Variants in HERC1 observed in about 807,000 individuals in gnomAD.
HERC1 encodes the protein probable E3 ubiquitin-protein ligase HERC1.
A neutral mutation model predicts 554.3 loss-of-function variants in HERC1; 160 were observed. The ratio of observed to expected loss-of-function variants is 0.29; its 90% CI spans 0.25 to 0.33. HERC1 has a LOEUF of 0.33. Ranked by LOEUF, HERC1 falls within the 10% of genes least tolerant of loss-of-function variation. HERC1 has a pLI of 1.00. For synonymous variants in HERC1, 2,175 were observed against 2,131.7 expected (o/e 1.02, Z -0.56); for missense variants, 4,919 against 5,918.5 (o/e 0.83, Z 5.54).
At chr15:63,779,266 T>C (rs6494431) in intron 1 of HERC1, among the ~76,000 whole-genome samples, 40,777 of 151,948 alleles carry the variant, frequency 0.27, 5,927 homozygotes, top group Middle Eastern at 0.38. Context: ...TACAAGGTAC[T>C]TGAGAAAATT....
intron 1 of HERC1, among the ~76,000 whole-genome samples, chr15:63,800,255 A>C (rs2076937768): frequency 1.3e-5 from 2 of 152,206 alleles, no homozygotes; most frequent in Non-Finnish European, 2.9e-5. Flanking sequence ...GAAGAGTTTA[A>C]AATTTTTCTG....
At chr15:63,755,553 C>A (rs1005633223) in intron 5 of HERC1, among the ~76,000 whole-genome samples, 1 of 152,148 alleles carries the variant, frequency 6.6e-6, no homozygotes, top group Non-Finnish European at 1.5e-5. Flanking sequence ...CCAAGGCAGG[C>A]AGATTGTTTG....
In HERC1 at chr15:63,756,689, G is replaced by A. The variant is rs548577788; in HGVS notation, c.1281C>T (p.Cys427=). ...VISTDGSVRA[C]GKGSYGRLGL... is the part of the protein sequence containing the mutation. ...CCAGTCTCCCATAGCTGCCTTTCCC[G>A]CAAGCTCTAACAGAGCCATCCGTAG... Residue 427 remains cysteine (C), a synonymous_variant, in exon 5 of 78, where the codon TGC becomes TGT. Transcript: ENST00000443617. The surrounding 1 kb of genome is among the most constrained non-coding windows in gnomAD (Gnocchi z 5.0). The A allele has an allele frequency of 1.6e-5, 25 of 1,612,172 alleles. No homozygotes were observed. The African/African-American group carries it at 1.6e-4, about 10-fold the overall frequency.
chr15:63,679,340 A>G (rs893534652), intron 36 of HERC1, among the ~76,000 whole-genome samples: 5 of 152,228 alleles, frequency 3.3e-5, no homozygotes, highest in African/African-American at 1.2e-4. Context: ...GACATTAAAA[A>G]TATGTATTTT....
In HERC1 at chr15:63,816,030, C is replaced by A. The variant is rs143908646; in HGVS notation, c.-27+17797G>T. Among the ~76,000 whole-genome samples the A allele has an allele frequency of 3.7e-3, 561 of 152,220 alleles. 3 individuals are homozygous for A. Among genetic ancestry groups the A allele is most frequent in the Middle Eastern group, 0.014 (4 of 294 alleles). Reference sequence around the variant, plus strand: ...TTACCTCCCACCGGGTCCCTCCCCCCACACGTAGGGATTATGGGAACTAAA... The same window carrying A: ...TTACCTCCCACCGGGTCCCTCCCCCAACACGTAGGGATTATGGGAACTAAA... On this transcript the variant is annotated intron_variant, in intron 1 of 77. Transcript: ENST00000443617.
Position 63,616,562 on chromosome 15 carries a change from C to A in HERC1, c.13809G>T (p.Leu4603=), listed in dbSNP as rs753469341. The A allele has an allele frequency of 6.2e-7, 1 of 1,613,982 alleles. No homozygotes were observed. The highest frequency in any genetic ancestry group is 1.1e-5 in the South Asian group (1 of 91,084). Residue 4603 remains leucine, a synonymous_variant, in exon 75 of 78, where the codon CTG becomes CTT. Transcript: ENST00000443617. ...GGACACAGCACAGCTGCTTCCACAC[C>A]AGAGGGGCCAAGTGGAGGTCCAGAG... ...KKPLDLHLAP[L]VWKQLCCVPL... is the part of the protein sequence containing the mutation.
At chr15:63,725,765 A>G (rs1186358178) in intron 17 of HERC1, among the ~76,000 whole-genome samples, 1 of 152,232 alleles carries the variant, frequency 6.6e-6, no homozygotes, top group Non-Finnish European at 1.5e-5. Flanking sequence ...TTAAAACAAC[A>G]TATGACAACA....
At chr15:63,719,841 A>G (rs1309103275) in intron 19 of HERC1, among the ~76,000 whole-genome samples, 1 of 152,202 alleles carries the variant, frequency 6.6e-6, no homozygotes, top group Non-Finnish European at 1.5e-5. Flanking sequence ...GACCACATGA[A>G]CAGTTTCGAG....
At chr15:63,792,694 C>T (rs1043232864) in intron 1 of HERC1, among the ~76,000 whole-genome samples, 1 of 152,126 alleles carries the variant, frequency 6.6e-6, no homozygotes, top group Non-Finnish European at 1.5e-5. Context: ...ACTTCTGTGA[C>T]CAAATGTGTG....
chr15:63,612,070 C>T lies in HERC1; in HGVS notation c.14400+181G>A, dbSNP rs146027764. Among the ~76,000 whole-genome samples, 10 of 152,304 alleles carry T rather than the reference C, an allele frequency of 6.6e-5. No homozygotes were observed. The East Asian group carries it at 1.9e-3, about 29-fold the overall frequency. The stretch of plus-strand genomic sequence containing the variant: ...AGGCGTGGTGGCACGCACCTGTAGT[C>T]CCAGCTACTGCGGAGGCTGAGGCAG... On this transcript the variant is annotated intron_variant, in intron 77 of 77. Transcript: ENST00000443617. This position sits in a 1 kb window ranked among gnomAD's most constrained non-coding sequence, Gnocchi z 5.0.
chr15:63,637,080 A>G (rs752069555), intron 64 of HERC1: 1 of 456,226 alleles, frequency 2.2e-6, no homozygotes, highest in South Asian at 1.5e-5. Context: ...TGGTTTCTCC[A>G]AAGGTGTTCT....
intron 68 of HERC1, among the ~76,000 whole-genome samples, chr15:63,631,841 C>T (rs576775380): frequency 6.6e-6 from 1 of 152,184 alleles, no homozygotes; most frequent in East Asian, 1.9e-4. Context: ...GCGCCCGGCC[C>T]TCCCAAGTCT....
chr15:63,616,614 A>G lies in HERC1; in HGVS notation c.13757T>C (p.Met4586Thr). The change falls in exon 75 of 78, where the codon ATG (methionine) becomes ACG (threonine). Residue 4586 changes from methionine to threonine, a missense_variant. Around this residue, in one of 11 missense-constraint regions of HERC1, gnomAD observed 284 missense variants for 294.1 expected, o/e 0.97. Transcript: ENST00000443617. Reference protein sequence around the residue: ...LMQFKFLGILMGVAIRTKKPL... With the variant: ...LMQFKFLGILTGVAIRTKKPL... Reference sequence around the variant, plus strand: ...CTTCTTTGTGCGAATGGCAACCCCCATTAAAATTCCTAAAAACTTAAACTG... The same window carrying G: ...CTTCTTTGTGCGAATGGCAACCCCCGTTAAAATTCCTAAAAACTTAAACTG... 6.2e-7 allele frequency: 1 copy of G among 1,613,958 alleles called. No individual in the cohort carries two copies. Among genetic ancestry groups the G allele is most frequent in the East Asian group, 2.2e-5 (1 of 44,890 alleles).
At chr15:63,717,673 C>G (rs1215711425) in intron 21 of HERC1, among the ~76,000 whole-genome samples, 1 of 152,142 alleles carries the variant, frequency 6.6e-6, no homozygotes, top group South Asian at 2.1e-4. Flanking sequence ...GAGTTCAAAA[C>G]CAGCCTGGTC....
chr15:63,799,230 G>A (rs1044170432), intron 1 of HERC1, among the ~76,000 whole-genome samples: 2 of 152,208 alleles, frequency 1.3e-5, no homozygotes, highest in African/African-American at 4.8e-5. Flanking sequence ...GCCAGGCACA[G>A]TGGCTCACGT....
rs770374223 is a variant in HERC1 at position 63,747,100 on chromosome 15, G to C, written c.2355-17C>G. 2 of 1,583,854 alleles carry C rather than the reference G, an allele frequency of 1.3e-6. No homozygotes were observed. The highest frequency in any genetic ancestry group is 2.7e-5 in the African/African-American group (2 of 74,188). On this transcript the variant is annotated splice_polypyrimidine_tract_variant and intron_variant, in intron 11 of 77. Coordinates refer to ENST00000443617, the MANE Select transcript of HERC1 (RefSeq NM_003922.4). The stretch of plus-strand genomic sequence containing the variant: ...TGGTGTTCTCTGAAACCAAATAAAC[G>C]TCTATGAATTCTCGGATCATAAAAG...
chr15:63,688,838 T>C (rs1324905009), intron 33 of HERC1, among the ~76,000 whole-genome samples: 1 of 152,030 alleles, frequency 6.6e-6, no homozygotes, highest in Admixed American at 6.6e-5. Context: ...TTTGGGAAAC[T>C]AGGTGAATGG....
Position 63,718,535 on chromosome 15 carries a change from T to TGCAGAAAA in HERC1, c.3978+31_3978+38dup. 6.6e-7 allele frequency: 1 copy of TGCAGAAAA among 1,518,754 alleles called. No individual in the cohort carries two copies. The highest frequency in any genetic ancestry group is 8.9e-7 in the Non-Finnish European group (1 of 1,126,022). 94.1% of individuals were successfully genotyped at this position (1,518,754 alleles called of 1,614,324 possible). ...CAATTTAGAGCTAGCTCTCACAGCT[T>TGCAGAAAA]GCAGAAAAACATAGAAATTAATTGA... On this transcript the variant is annotated intron_variant, in intron 21 of 77. Transcript: ENST00000443617. The surrounding 1 kb of genome is among the most constrained non-coding windows in gnomAD (Gnocchi z 4.2).
At chr15:63,640,008 T>C in intron 61 of HERC1, 144 bp downstream of exon 61, 3 of 785,752 alleles carry the variant, frequency 3.8e-6, no homozygotes, top group East Asian at 2.7e-5. Flanking sequence ...AAAGTGACTA[T>C]CTGAAAGAAA....
Sources: gnomAD v4.1 joint callset for allele counts (sites outside exome capture counted in the v4.1 genomes callset) on GRCh38, gnomAD v4.1.1 for gene constraint, gnomAD v4.1.1 regional missense constraint, Gnocchi (gnomAD v3.1) non-coding constraint, MANE v1.5 for transcripts, NCBI Gene and HGNC (gene_info 2026-07-23, HGNC 2026-07-21) for gene names.